The following SDK1 variants were observed in gnomAD, a reference collection of about 807,000 sequenced individuals.
SDK1 encodes sidekick cell adhesion molecule 1.
In SDK1, 157 loss-of-function variants were observed where a neutral mutation model predicts 245.5. That is an observed-to-expected ratio of 0.64 (90% confidence interval 0.56 to 0.73). The LOEUF (loss-of-function observed/expected upper bound fraction) is 0.73, where lower values mean the gene tolerates loss of function less well. Ranked by LOEUF, SDK1 falls within the 30% of genes least tolerant of loss-of-function variation. SDK1 has a pLI of 0.00. For missense variants in SDK1, 3,583 were observed against 3,002.3 expected (o/e 1.19, Z -4.52); for synonymous variants, 1,647 against 1,278.5 (o/e 1.29, Z -6.15).
At chr7:4,086,385 C>G (rs144138500) in intron 22 of SDK1, among the ~76,000 whole-genome samples, 1 of 152,290 alleles carries the variant, frequency 6.6e-6, no homozygotes, top group Non-Finnish European at 1.5e-5. Flanking sequence ...CAGCATGGGT[C>G]TCACCAGAGC....
intron 4 of SDK1, among the ~76,000 whole-genome samples, chr7:3,642,621 C>T (rs1247105251): frequency 1.3e-5 from 2 of 152,168 alleles, no homozygotes; most frequent in Non-Finnish European, 2.9e-5. Context: ...TAGTGGTTCA[C>T]CCATCTATTG....
At chr7:3,420,098 C>G (rs1166289676) in intron 1 of SDK1, among the ~76,000 whole-genome samples, 6 of 152,092 alleles carry the variant, frequency 3.9e-5, no homozygotes, top group Non-Finnish European at 7.4e-5. Flanking sequence ...TACTTCTGTG[C>G]AAAGGAAAGC....
rs78515055 is a variant in SDK1, at chr7:3,904,463, G to A, written c.848-46460G>A. On this transcript the variant is annotated intron_variant, in intron 5 of 44. Transcript: ENST00000404826. ...CTGTAATGCACTTTGGGAGGCTGAG[G>A]TGGGAGGATCGCTTGAGTCCAGGAG... Among the ~76,000 whole-genome samples the A allele has an allele frequency of 5.4e-3, 820 of 152,268 alleles. 6 individuals are homozygous for A. The highest frequency in any genetic ancestry group is 0.018 in the African/African-American group (764 of 41,542).
intron 17 of SDK1, among the ~76,000 whole-genome samples, chr7:4,033,752 C>A (rs890646986): frequency 2.0e-5 from 3 of 152,106 alleles, no homozygotes; most frequent in African/African-American, 7.2e-5. Context: ...GGTACACAGA[C>A]ACACAGAGAA....
intron 40 of SDK1, chr7:4,227,366 C>A (rs1045722536): frequency 2.1e-6 from 1 of 470,824 alleles, no homozygotes; most frequent in South Asian, 1.6e-5. Context: ...GGGCTTTCTT[C>A]GTCATCTTAA....
chr7:3,355,585 A>G (rs1780768291), intron 1 of SDK1, among the ~76,000 whole-genome samples: 1 of 152,062 alleles, frequency 6.6e-6, no homozygotes, highest in Non-Finnish European at 1.5e-5. Flanking sequence ...ATTCTTCTCA[A>G]TCCCCTGTTC....
At chr7:3,328,707 C>T (rs1255536095) in intron 1 of SDK1, among the ~76,000 whole-genome samples, 1 of 151,888 alleles carries the variant, frequency 6.6e-6, no homozygotes, top group Non-Finnish European at 1.5e-5. Flanking sequence ...CCATTTCATC[C>T]CTCTTTTACT....
In SDK1 at chr7:3,492,435, G is replaced by A. The variant is rs531495596; in HGVS notation, c.299-126645G>A. On this transcript the variant is annotated intron_variant, in intron 1 of 44. Coordinates refer to ENST00000404826, the MANE Select transcript of SDK1 (RefSeq NM_152744.4). ...CGTGAACCGGCAAGGTGGAGCTTGC[G>A]GTGAGCCGAGATCACGCCACCACAC... Among the ~76,000 whole-genome samples the A allele has an allele frequency of 3.9e-5, 6 of 152,274 alleles. 1 individual carries two copies. In the South Asian group the frequency reaches 6.2e-4, roughly 16 times the overall value.
intron 5 of SDK1, among the ~76,000 whole-genome samples, chr7:3,915,478 T>A (rs1583558134): frequency 6.6e-6 from 1 of 152,028 alleles, no homozygotes; most frequent in Non-Finnish European, 1.5e-5. Flanking sequence ...GATCGGATGG[T>A]TTTCTGAGGG....
chr7:3,651,881 G>C (rs956617524), intron 4 of SDK1, among the ~76,000 whole-genome samples: 19 of 152,290 alleles, frequency 1.2e-4, no homozygotes, highest in African/African-American at 3.9e-4. Flanking sequence ...GGATGGAACT[G>C]CTGCCATGGA....
intron 1 of SDK1, among the ~76,000 whole-genome samples, chr7:3,548,729 G>C (rs1277407598): frequency 1.3e-5 from 2 of 152,124 alleles, no homozygotes; most frequent in South Asian, 4.2e-4. Flanking sequence ...TTTCTCTTCA[G>C]ACCATCTTTT....
rs1195997070 is a variant in SDK1 at position 4,139,515 on chromosome 7, ATGTGTGTGTATG to A, written c.4229-6195_4229-6184del. Among the ~76,000 whole-genome samples, 166 of 25,412 alleles carry A rather than the reference ATGTGTGTGTATG, an allele frequency of 6.5e-3. 37 individuals are homozygous for A. Among genetic ancestry groups the A allele is most frequent in the East Asian group, 0.037 (9 of 240 alleles). 16.7% of individuals were successfully genotyped at this position (25,412 alleles called of 152,430 possible). On this transcript the variant is annotated intron_variant, in intron 28 of 44. Transcript: ENST00000404826. Reference sequence around the variant, plus strand: ...TATATGTGTGTGTGTATATGTATATATGTGTGTGTATGTGTGTGTGTATATATGTGTGTGTAT... The same window carrying A: ...TATATGTGTGTGTGTATATGTATATATGTGTGTGTATATATGTGTGTGTAT...
chr7:3,897,819 T>C (rs569442022), intron 5 of SDK1, among the ~76,000 whole-genome samples: 2 of 152,272 alleles, frequency 1.3e-5, no homozygotes, highest in African/African-American at 4.8e-5. Flanking sequence ...GGAACTTTGA[T>C]CAAATCCCCT....
At position 4,237,792 on chromosome 7, in the gene SDK1, T is replaced by C. The variant is rs1314786831; in HGVS notation, c.6130+8T>C. 1 of 1,613,992 alleles carries C rather than the reference T, an allele frequency of 6.2e-7. No homozygotes were observed. The highest frequency in any genetic ancestry group is 1.7e-5 in the Admixed American group (1 of 59,984). On this transcript the variant is annotated splice_region_variant and intron_variant, in intron 42 of 44. Coordinates refer to ENST00000404826, the MANE Select transcript of SDK1 (RefSeq NM_152744.4). ...ATAAGAACTGCAGCACAGGTGCAGGTCCAGCCCCTTCCTCGCGTGTCCCAC... is the reference window on the plus strand; with the variant it reads ...ATAAGAACTGCAGCACAGGTGCAGGCCCAGCCCCTTCCTCGCGTGTCCCAC...
In SDK1 at chr7:4,266,231, C is replaced by T. The variant is rs1562497684; in HGVS notation, c.*847C>T. 8.1e-6 allele frequency: 8 copies of T among 985,376 alleles called. No homozygotes were observed. Among genetic ancestry groups the T allele is most frequent in the Non-Finnish European group, 9.6e-6 (8 of 829,864 alleles). The allele number at this position is 985,376 out of a possible 1,614,324, so 61.0% of individuals were successfully genotyped here. A position where few individuals can be genotyped will look rare whatever the true frequency, so the allele number is the denominator to read the frequency against. ...CCAGAATTGCTTGTTACGTAGGAAG[C>T]GTGCATTGTTAACCAGAGTATTTTT... is the stretch of plus-strand genomic sequence containing the variant. On this transcript the variant is annotated 3_prime_UTR_variant, in exon 45 of 45. Transcript: ENST00000404826.
intron 5 of SDK1, among the ~76,000 whole-genome samples, chr7:3,875,782 G>T (rs1781061212): frequency 6.6e-6 from 1 of 152,152 alleles, no homozygotes; most frequent in African/African-American, 2.4e-5. Flanking sequence ...TCTCTTGTTA[G>T]ACTCTTTGTG....
At chr7:3,801,929 G>A (rs1041696513) in intron 4 of SDK1, among the ~76,000 whole-genome samples, 1 of 152,346 alleles carries the variant, frequency 6.6e-6, no homozygotes, top group South Asian at 2.1e-4. Context: ...GGATGAAACA[G>A]CTTGTTAGTT....
In SDK1 at chr7:3,457,229, C is replaced by T. The variant is rs118145849; in HGVS notation, c.298+155345C>T. Reference sequence around the variant, plus strand: ...TTGGTTGTTTGTAGGTCAGGAAACACGGGGCCTGGTTTGCTTTCTTCCCTT... The same window carrying T: ...TTGGTTGTTTGTAGGTCAGGAAACATGGGGCCTGGTTTGCTTTCTTCCCTT... On this transcript the variant is annotated intron_variant, in intron 1 of 44. Coordinates refer to ENST00000404826, the MANE Select transcript of SDK1 (RefSeq NM_152744.4). Among the ~76,000 whole-genome samples the T allele has an allele frequency of 4.2e-3, 642 of 152,238 alleles. 7 individuals are homozygous for T. The highest frequency in any genetic ancestry group is 0.018 in the South Asian group (87 of 4,824).
In SDK1 at chr7:3,352,312, A is replaced by G. The variant is rs543099193; in HGVS notation, c.298+50428A>G. Among the ~76,000 whole-genome samples, 158 of 151,962 alleles carry G rather than the reference A, an allele frequency of 1.0e-3. 1 individual carries two copies. Among genetic ancestry groups the G allele is most frequent in the Non-Finnish European group, 1.7e-3 (118 of 67,942 alleles). ...TTGATACACGTTCCAGAGATCCCCA[A>G]TATTTTTGTGAATTCTTCTTAGGAG... On this transcript the variant is annotated intron_variant, in intron 1 of 44. Coordinates refer to ENST00000404826, the MANE Select transcript of SDK1 (RefSeq NM_152744.4).
Sources: allele counts gnomAD v4.1 joint callset (sites outside exome capture counted in the v4.1 genomes callset), GRCh38; gene constraint gnomAD v4.1.1; transcripts MANE v1.5; gene names NCBI Gene and HGNC (gene_info 2026-07-23, HGNC 2026-07-21).